Variants in PSPC1 observed in about 807,000 individuals in gnomAD.
PSPC1 encodes the protein paraspeckle protein 1.
PSPC1 carries 14 observed loss-of-function variants against 51.6 expected under a neutral mutation model. That is an observed-to-expected ratio of 0.27 (90% CI 0.18 to 0.42). PSPC1 has a LOEUF of 0.42. Among genes scored for constraint, PSPC1 ranks in the 10% least tolerant of loss-of-function variants. The pLI, the probability that PSPC1 is intolerant of heterozygous loss-of-function variation, is 1.00. For missense variants in PSPC1, 406 were observed against 701.1 expected, an observed-to-expected ratio of 0.58 and a Z score of 4.75; for synonymous variants, 193 against 231.9, an observed-to-expected ratio of 0.83 and a Z score of 1.53.
intron 8 of PSPC1, among the ~76,000 whole-genome samples, chr13:19,705,448 G>A (rs1010108023): frequency 6.6e-6 from 1 of 151,642 alleles, no homozygotes; most frequent in African/African-American, 2.4e-5. Flanking sequence ...AGCCAAGATC[G>A]TGCCATGCAC....
intron 6 of PSPC1, among the ~76,000 whole-genome samples, chr13:19,718,109 T>C (rs1882345726): frequency 6.6e-6 from 1 of 152,200 alleles, no homozygotes; most frequent in Non-Finnish European, 1.5e-5. Context: ...TACAACTCAA[T>C]AGCATGTAAA....
At chr13:19,746,626 G>A (rs1375218338) in intron 4 of PSPC1, among the ~76,000 whole-genome samples, 11 of 151,678 alleles carry the variant, frequency 7.3e-5, no homozygotes, top group East Asian at 5.9e-4. Context: ...ACTTGAACCC[G>A]GGAACCGGAG....
At chr13:19,693,520 G>A (rs944676092) in intron 6 of PSPC1, among the ~76,000 whole-genome samples, 1 of 152,098 alleles carries the variant, frequency 6.6e-6, no homozygotes, top group Non-Finnish European at 1.5e-5. Context: ...ACTAAATGAC[G>A]GATATTCTAG....
At chr13:19,719,078 A>T (rs968241767) in intron 6 of PSPC1, among the ~76,000 whole-genome samples, 74 of 150,110 alleles carry the variant, frequency 4.9e-4, no homozygotes, top group African/African-American at 1.6e-3. Flanking sequence ...CAGAATGTAC[A>T]CCCAGAGCAA....
intron 6 of PSPC1, among the ~76,000 whole-genome samples, chr13:19,697,013 G>A (rs971706875): frequency 6.6e-6 from 1 of 152,130 alleles, no homozygotes; most frequent in Non-Finnish European, 1.5e-5. Flanking sequence ...CTTATCAACT[G>A]GCAATAGCTG....
intron 1 of PSPC1, among the ~76,000 whole-genome samples, chr13:19,777,651 T>A (rs1889308320): frequency 6.6e-6 from 1 of 151,572 alleles, no homozygotes; most frequent in Non-Finnish European, 1.5e-5. Context: ...GTGTTTGCCC[T>A]AAAAAATACA....
downstream of PSPC1, among the ~76,000 whole-genome samples, chr13:19,700,124 T>G (rs1375844580): frequency 6.6e-6 from 1 of 152,124 alleles, no homozygotes; most frequent in Non-Finnish European, 1.5e-5. Context: ...GAATCTATGT[T>G]GTAATGATCA....
intron 3 of PSPC1, among the ~76,000 whole-genome samples, chr13:19,758,841 C>CAA (rs76319591): frequency 3.8e-5 from 5 of 133,192 alleles, no homozygotes; most frequent in African/African-American, 5.6e-5. Flanking sequence ...ATCTCAAAAA[C>CAA]AAAAAAAAAA....
intron 6 of PSPC1, among the ~76,000 whole-genome samples, chr13:19,723,989 C>T (rs1442256120): frequency 6.6e-6 from 1 of 152,216 alleles, no homozygotes; most frequent in Non-Finnish European, 1.5e-5. Flanking sequence ...TCCAGCAGGT[C>T]ACACTTAAAT....
downstream of PSPC1, chr13:19,671,760 A>G: frequency 1.4e-6 from 2 of 1,408,704 alleles, no homozygotes; most frequent in East Asian, 2.3e-5. Context: ...AATCTTGGCC[A>G]TTTGTGGGTT....
At position 19,782,419 on chromosome 13, in the gene PSPC1, G is replaced by A; in HGVS notation, c.339C>T (p.Ile113=). ...TGAAGCCGAAGCCACGGTCCCGGTT[G>A]ATGAAGACTTCGCTGGGCTCGCCAT... ...ERYGEPSEVF[I]NRDRGFGFIR... The change falls in exon 1 of 9, where the codon ATC becomes ATT. Residue 113 remains isoleucine, a synonymous_variant. Transcript: ENST00000338910. This position sits in a 1 kb window ranked among gnomAD's most constrained non-coding sequence, Gnocchi z 4.5. The A allele has an allele frequency of 6.2e-7, 1 of 1,604,812 alleles. No individual in the cohort carries two copies. Among genetic ancestry groups the A allele is most frequent in the South Asian group, 1.1e-5 (1 of 90,106 alleles).
chr13:19,730,966 A>AAAAAAAAAAAAAAAAAAAC (rs1884014184), intron 5 of PSPC1, among the ~76,000 whole-genome samples: 1 of 25,502 alleles, frequency 3.9e-5, no homozygotes. Context: ...ACAAAAAAAC[A>AAAAAAAAAAAAAAAAAAAC]AAAAAAAAAA....
At chr13:19,769,599 G>T (rs1888428518) in intron 2 of PSPC1, among the ~76,000 whole-genome samples, 1 of 151,506 alleles carries the variant, frequency 6.6e-6, no homozygotes. Context: ...GCTGGGCATG[G>T]TGGCGCATGC....
chr13:19,735,693 G>A (rs1884689603), intron 5 of PSPC1, among the ~76,000 whole-genome samples: 1 of 152,078 alleles, frequency 6.6e-6, no homozygotes, highest in African/African-American at 2.4e-5. Flanking sequence ...CTTGGCAGCA[G>A]CCTCAGCCAG....
intron 6 of PSPC1, chr13:19,678,624 C>CA (rs750749767): frequency 1.3e-5 from 2 of 152,148 alleles, no homozygotes; most frequent in Non-Finnish European, 2.9e-5. Flanking sequence ...ACTGTCCCCC[C>CA]AGAAAGTATA....
chr13:19,716,506 G>C (rs1399626279), intron 6 of PSPC1, among the ~76,000 whole-genome samples: 1 of 151,918 alleles, frequency 6.6e-6, no homozygotes, highest in Non-Finnish European at 1.5e-5. Flanking sequence ...CTCTTTTTTA[G>C]GTCACAGTCA....
chr13:19,724,636 C>T (rs931575525), intron 6 of PSPC1, among the ~76,000 whole-genome samples: 16 of 152,130 alleles, frequency 1.1e-4, no homozygotes, highest in Admixed American at 7.2e-4. Context: ...GGGCGGGTCA[C>T]GAGGTCAGGA....
intron 1 of PSPC1, among the ~76,000 whole-genome samples, chr13:19,774,706 G>A (rs1888924647): frequency 6.6e-6 from 1 of 151,604 alleles, no homozygotes; most frequent in African/African-American, 2.4e-5. Flanking sequence ...TTGGGGGACT[G>A]AGGTGGGAGA....
intron 5 of PSPC1, among the ~76,000 whole-genome samples, chr13:19,731,521 C>A (rs1382334549): frequency 6.6e-6 from 1 of 152,142 alleles, no homozygotes; most frequent in Admixed American, 6.6e-5. Context: ...TCAAGCAATC[C>A]TCCAATCTTA....
Sources: allele counts gnomAD v4.1 joint callset (sites outside exome capture counted in the v4.1 genomes callset), GRCh38; gene constraint gnomAD v4.1.1; non-coding constraint Gnocchi (gnomAD v3.1); transcripts MANE v1.5; gene names NCBI Gene and HGNC (gene_info 2026-07-23, HGNC 2026-07-21).